Variants in ADGRL2 observed in about 807,000 individuals in gnomAD.
ADGRL2 encodes the protein calcium-independent alpha-latrotoxin receptor 2.
Under a neutral mutation model 157.4 loss-of-function variants are expected in ADGRL2, and 44 were observed. That is an observed-to-expected ratio of 0.28 (90% CI 0.22 to 0.36). ADGRL2 has a LOEUF of 0.36. Ranked by LOEUF, ADGRL2 falls within the 10% of genes least tolerant of loss-of-function variation. The probability of loss-of-function intolerance (pLI) is 1.00; values close to 1 mark genes in which losing one functional copy is unlikely to be tolerated. For missense variants in ADGRL2, 1,510 were observed against 1,768.9 expected (o/e 0.85, Z 2.63); for synonymous variants, 585 against 624.7 (o/e 0.94, Z 0.95).
At chr1:81,364,106 T>A (rs1363654077) in intron 1 of ADGRL2, among the ~76,000 whole-genome samples, 1 of 151,920 alleles carries the variant, frequency 6.6e-6, no homozygotes, top group African/African-American at 2.4e-5. Flanking sequence ...TTTGCCCCAC[T>A]CCCCCTTACC....
intron 1 of ADGRL2, among the ~76,000 whole-genome samples, chr1:81,747,348 T>A (rs2085333057): frequency 6.6e-6 from 1 of 151,086 alleles, no homozygotes; most frequent in African/African-American, 2.4e-5. Context: ...TCGCCCAGGC[T>A]GGAGTGCAAT....
intron 2 of ADGRL2, among the ~76,000 whole-genome samples, chr1:81,529,766 C>G (rs2079555005): frequency 1.3e-5 from 2 of 152,148 alleles, no homozygotes; most frequent in African/African-American, 4.8e-5. Context: ...ACTTGCCCAG[C>G]ATAACAAAGC....
At chr1:81,815,143 T>C (rs2090268088) in intron 1 of ADGRL2, among the ~76,000 whole-genome samples, 1 of 151,862 alleles carries the variant, frequency 6.6e-6, no homozygotes, top group African/African-American at 2.4e-5. Context: ...ACTTAATCAC[T>C]GAGTTTTTAT....
chr1:81,890,771 C>G (rs1438961782), intron 2 of ADGRL2, among the ~76,000 whole-genome samples: 1 of 152,066 alleles, frequency 6.6e-6, no homozygotes, highest in East Asian at 1.9e-4. Flanking sequence ...CCATGTTCAC[C>G]TAGGTCTACA....
intron 2 of ADGRL2, among the ~76,000 whole-genome samples, chr1:81,534,431 G>A (rs1291646824): frequency 2.0e-5 from 3 of 152,124 alleles, no homozygotes; most frequent in African/African-American, 7.2e-5. Flanking sequence ...CAAAGTGCTG[G>A]GGTTACAGGC....
chr1:81,649,159 A>G (rs1262750994), intron 3 of ADGRL2, among the ~76,000 whole-genome samples: 1 of 151,944 alleles, frequency 6.6e-6, no homozygotes, highest in African/African-American at 2.4e-5. Flanking sequence ...ACCTCTCCTC[A>G]CCCAAGTTTC....
At chr1:81,666,515 T>G (rs1365366165) in intron 3 of ADGRL2, among the ~76,000 whole-genome samples, 1 of 152,198 alleles carries the variant, frequency 6.6e-6, no homozygotes, top group East Asian at 1.9e-4. Flanking sequence ...ATTAATTTAT[T>G]TATTTATTAT....
intron 1 of ADGRL2, among the ~76,000 whole-genome samples, chr1:81,734,887 G>T (rs959279828): frequency 1.4e-5 from 2 of 144,776 alleles, no homozygotes; most frequent in African/African-American, 5.0e-5. Flanking sequence ...TACAAAATTA[G>T]CCAGGCATGG....
chr1:81,809,084 G>A (rs987829017), intron 1 of ADGRL2, among the ~76,000 whole-genome samples: 28 of 151,954 alleles, frequency 1.8e-4, no homozygotes, highest in African/African-American at 6.3e-4. Context: ...ACAAGAAAAC[G>A]TATGCTGAGC....
intron 3 of ADGRL2, among the ~76,000 whole-genome samples, chr1:81,599,422 T>C (rs1043803004): frequency 1.3e-5 from 2 of 152,130 alleles, no homozygotes; most frequent in African/African-American, 4.8e-5. Flanking sequence ...AGTAACATGG[T>C]ACAGTTCCTG....
At chr1:81,657,143 T>C (rs2082552452) in intron 3 of ADGRL2, among the ~76,000 whole-genome samples, 1 of 152,176 alleles carries the variant, frequency 6.6e-6, no homozygotes, top group African/African-American at 2.4e-5. Context: ...TAAATATTTG[T>C]GTCCTTCCAA....
intron 2 of ADGRL2, among the ~76,000 whole-genome samples, chr1:81,884,838 G>A (rs2094086997): frequency 6.6e-6 from 1 of 152,112 alleles, no homozygotes; most frequent in African/African-American, 2.4e-5. Context: ...AAACTATATT[G>A]GTAATATTGC....
At position 81,358,927 on chromosome 1, in the gene ADGRL2, G is replaced by A. The variant is rs1327816353; in HGVS notation, c.-302+52418G>A. Among the ~76,000 whole-genome samples the A allele has an allele frequency of 5.3e-5, 8 of 152,166 alleles. 1 individual carries two copies. Among genetic ancestry groups the A allele is most frequent in the African/African-American group, 1.9e-4 (8 of 41,546 alleles). On this transcript the variant is annotated intron_variant, in intron 1 of 24. Transcript: ENST00000370721. ...AAAGTTCCCTAAAGAAGTGGTTTGAGCTAAAATATGGAAACTGGTCAGAAG... is the reference window on the plus strand; with the variant it reads ...AAAGTTCCCTAAAGAAGTGGTTTGAACTAAAATATGGAAACTGGTCAGAAG...
chr1:81,907,170 C>T lies in ADGRL2; in HGVS notation c.227C>T (p.Pro76Leu), dbSNP rs1362028404. Residue 76 changes from proline to leucine, a missense_variant, in exon 3 of 24, where the codon CCA (proline) becomes CTA (leucine). Coordinates refer to ENST00000686636, the MANE Select transcript of ADGRL2 (RefSeq NM_001366006.2). ...GATGACAAGATTTGTGATGCTGACC[C>T]ATTTCAGATGGAGAATACAGACTGC... The part of the protein sequence containing the change: ...RTDDKICDAD[P>L]FQMENTDCYL... The T allele has an allele frequency of 6.2e-7, 1 of 1,614,074 alleles. No individual in the cohort carries two copies. Among genetic ancestry groups the T allele is most frequent in the Admixed American group, 1.7e-5 (1 of 60,014 alleles).
At chr1:81,778,782 T>A (rs1220092669) in intron 2 of ADGRL2, among the ~76,000 whole-genome samples, 1 of 152,204 alleles carries the variant, frequency 6.6e-6, no homozygotes, top group African/African-American at 2.4e-5. Flanking sequence ...AGAGACGTTT[T>A]GGCAGCTATA....
At chr1:81,307,642 A>G (rs1659437898) in intron 1 of ADGRL2, among the ~76,000 whole-genome samples, 1 of 152,294 alleles carries the variant, frequency 6.6e-6, no homozygotes, top group South Asian at 2.1e-4. Flanking sequence ...CATAAGCAGT[A>G]AACAAAGTTG....
intron 2 of ADGRL2, among the ~76,000 whole-genome samples, chr1:81,572,404 C>T (rs1036702764): frequency 6.6e-6 from 1 of 152,102 alleles, no homozygotes; most frequent in Non-Finnish European, 1.5e-5. Context: ...CAATGGAAAA[C>T]AAAACATGGA....
chr1:81,317,804 G>A (rs1326587576), intron 1 of ADGRL2, among the ~76,000 whole-genome samples: 1 of 152,018 alleles, frequency 6.6e-6, no homozygotes, highest in Non-Finnish European at 1.5e-5. Flanking sequence ...AGCTGAATAT[G>A]TTTCAAAACA....
At chr1:81,804,153 C>T (rs1444218436) in intron 1 of ADGRL2, among the ~76,000 whole-genome samples, 2 of 152,236 alleles carry the variant, frequency 1.3e-5, no homozygotes, top group East Asian at 1.9e-4. Flanking sequence ...TTTGTATCTT[C>T]GTAATACTTG....
Sources: gnomAD v4.1 joint callset for allele counts (sites outside exome capture counted in the v4.1 genomes callset) on GRCh38, gnomAD v4.1.1 for gene constraint, MANE v1.5 for transcripts, NCBI Gene and HGNC (gene_info 2026-07-23, HGNC 2026-07-21) for gene names.